SPATA13: variants seen among roughly 807,000 people sequenced by gnomAD.
SPATA13 encodes spermatogenesis associated 13, also known as spermatogenesis-associated protein 13.
Under a neutral mutation model 104.0 loss-of-function variants are expected in SPATA13, and 50 were observed. That is an observed-to-expected ratio of 0.48 (90% CI 0.38 to 0.61). SPATA13 has a LOEUF of 0.61. Among genes scored for constraint, SPATA13 ranks in the 20% least tolerant of loss-of-function variants. The pLI, the probability that SPATA13 is intolerant of heterozygous loss-of-function variation, is 0.00. For synonymous variants in SPATA13, 606 were observed against 667.5 expected (o/e 0.91, Z 1.42); for missense variants, 1,524 against 1,690.6 (o/e 0.90, Z 1.73).
intron 4 of SPATA13, among the ~76,000 whole-genome samples, chr13:24,269,086 C>A (rs1257769011): frequency 6.6e-6 from 1 of 152,182 alleles, no homozygotes; most frequent in Non-Finnish European, 1.5e-5. Flanking sequence ...GGAGCGACAG[C>A]AGCAGCGTGA....
intron 3 of SPATA13, among the ~76,000 whole-genome samples, chr13:24,028,295 A>G (rs1185322362): frequency 6.6e-6 from 1 of 152,168 alleles, no homozygotes; most frequent in Non-Finnish European, 1.5e-5. Context: ...AGTCTTTTAG[A>G]GAGGATATCT....
intron 1 of SPATA13, among the ~76,000 whole-genome samples, chr13:24,198,933 TTC>T (rs1226393614): frequency 6.7e-6 from 1 of 148,650 alleles, no homozygotes; most frequent in African/African-American, 2.5e-5. Flanking sequence ...ATATTACATA[TTC>T]TTAGAACTAT....
At chr13:24,162,933 A>G (rs773546066) in intron 1 of SPATA13, among the ~76,000 whole-genome samples, 4 of 152,214 alleles carry the variant, frequency 2.6e-5, no homozygotes, top group African/African-American at 7.2e-5. Flanking sequence ...TTAGTCTGCA[A>G]TGTACACCAG....
At chr13:24,160,633 C>T (rs369112878), upstream of SPATA13, 205 of 717,748 alleles carry the variant, frequency 2.9e-4, 2 homozygotes, top group East Asian at 0.031. Context: ...GTGAGCTAAC[C>T]GGGGGCGTGG....
chr13:24,027,675 G>A (rs1877291875), intron 3 of SPATA13, among the ~76,000 whole-genome samples: 1 of 152,110 alleles, frequency 6.6e-6, no homozygotes, highest in Non-Finnish European at 1.5e-5. Context: ...AAGCAAATAA[G>A]CCTCTTTTCT....
intron 4 of SPATA13, chr13:24,270,933 T>C: frequency 6.4e-7 from 1 of 1,558,014 alleles, no homozygotes; most frequent in Non-Finnish European, 8.8e-7. Context: ...AAAGAATGGA[T>C]TGTTGTACTG....
chr13:24,300,433 G>C lies in SPATA13; in HGVS notation c.3616G>C (p.Ala1206Pro). ...MEISENQKKL[A>P]MLNAQKAGHG... The stretch of plus-strand genomic sequence containing the variant: ...AATTTCAGAAAACCAGAAGAAACTT[G>C]CCATGTTAAATGCTCAAAAGGCAGG... Residue 1206 changes from alanine (A) to proline (P), a missense_variant, in exon 12 of 13, where the codon GCC becomes CCC. Physicochemically the swap from Ala to Pro is conservative, Grantham distance 27. This residue lies in a region of SPATA13 where 435 missense variants were observed against 554.8 expected (regional missense o/e 0.78). Transcript: ENST00000382108. 5 of 1,613,824 alleles carry C rather than the reference G, an allele frequency of 3.1e-6. No homozygotes were observed. Among genetic ancestry groups the C allele is most frequent in the Non-Finnish European group, 4.2e-6 (5 of 1,179,962 alleles).
At chr13:24,134,632 A>C (rs1881498796) in intron 3 of SPATA13, among the ~76,000 whole-genome samples, 1 of 152,104 alleles carries the variant, frequency 6.6e-6, no homozygotes. Context: ...ATCTTGATAG[A>C]CCAGAATGGC....
intron 3 of SPATA13, among the ~76,000 whole-genome samples, chr13:24,027,797 A>G (rs1877297777): frequency 1.3e-5 from 2 of 152,156 alleles, no homozygotes; most frequent in Non-Finnish European, 2.9e-5. Flanking sequence ...GGAAATTAGT[A>G]TATGCACGGA....
intron 3 of SPATA13, among the ~76,000 whole-genome samples, chr13:24,153,467 C>T (rs1882165499): frequency 6.6e-6 from 1 of 152,196 alleles, no homozygotes. Flanking sequence ...TAGTACATGA[C>T]AGAGAAGTGA....
At chr13:24,097,248 C>T (rs1880114342) in intron 3 of SPATA13, among the ~76,000 whole-genome samples, 1 of 152,182 alleles carries the variant, frequency 6.6e-6, no homozygotes, top group Non-Finnish European at 1.5e-5. Context: ...TTGTGCTAAA[C>T]ATGTTGCATC....
Position 24,302,665 on chromosome 13 carries a change from T to C in SPATA13, c.3726T>C (p.Thr1242=), listed in dbSNP as rs747568852. The part of the protein sequence containing the change: ...GLHPIHQRHI[T]MPTSVPQQQV... ...ACCCCATCCACCAGCGCCACATCAC[T>C]ATGCCCACAAGCGTCCCCCAGCAGC... Residue 1242 remains threonine, a synonymous_variant, in exon 13 of 13, where the codon ACT becomes ACC. Coordinates refer to ENST00000382108, the MANE Select transcript of SPATA13 (RefSeq NM_001166271.3). The C allele has an allele frequency of 6.2e-7, 1 of 1,613,998 alleles. No homozygotes were observed. The highest frequency in any genetic ancestry group is 8.5e-7 in the Non-Finnish European group (1 of 1,180,012).
chr13:24,029,998 G>A (rs1816907831), intron 3 of SPATA13, among the ~76,000 whole-genome samples: 1 of 151,752 alleles, frequency 6.6e-6, no homozygotes, highest in African/African-American at 2.4e-5. Context: ...GGAATTCATA[G>A]CAAAATTGAG....
At chr13:24,167,376 C>T (rs980066888) in intron 1 of SPATA13, among the ~76,000 whole-genome samples, 1 of 152,188 alleles carries the variant, frequency 6.6e-6, no homozygotes, top group Admixed American at 6.5e-5. Context: ...GGAAGTAAAA[C>T]AGCTCCAGTG....
At chr13:24,077,509 T>G (rs1015590220) in intron 3 of SPATA13, among the ~76,000 whole-genome samples, 2 of 152,014 alleles carry the variant, frequency 1.3e-5, no homozygotes, top group African/African-American at 2.4e-5. Context: ...GAAGAAAAAT[T>G]TCCTATCAGG....
rs1188405866 is a variant in SPATA13 at position 24,304,423 on chromosome 13, T to C, written c.*1650T>C. On this transcript the variant is annotated 3_prime_UTR_variant, in exon 13 of 13. Transcript: ENST00000382108. The stretch of plus-strand genomic sequence containing the variant: ...CTGTGTTAAACTGTTAATGGATATC[T>C]ATATGAGAAGCTCATTTTTGTATGC... 2 of 152,142 alleles carry C rather than the reference T, an allele frequency of 1.3e-5. No individual in the cohort carries two copies. The highest frequency in any genetic ancestry group is 4.8e-5 in the African/African-American group (2 of 41,434). 9.4% of individuals were successfully genotyped at this position (152,142 alleles called of 1,614,324 possible). A position where few individuals can be genotyped will look rare whatever the true frequency, so the allele number is the denominator to read the frequency against.
At chr13:24,163,456 C>T (rs1220570) in intron 1 of SPATA13, among the ~76,000 whole-genome samples, 4,439 of 152,246 alleles carry the variant, frequency 0.029, 212 homozygotes, top group African/African-American at 0.1. Context: ...TGTCTCCTCC[C>T]GTGCATTGAG....
At chr13:24,163,488 G>A (rs1447369607) in intron 1 of SPATA13, among the ~76,000 whole-genome samples, 3 of 152,190 alleles carry the variant, frequency 2.0e-5, no homozygotes, top group Non-Finnish European at 4.4e-5. Flanking sequence ...ACTTTAGCTG[G>A]ACAGATCTTT....
At chr13:24,298,774 G>A (rs921257706) in intron 11 of SPATA13, among the ~76,000 whole-genome samples, 1 of 152,200 alleles carries the variant, frequency 6.6e-6, no homozygotes, top group Non-Finnish European at 1.5e-5. Flanking sequence ...CTTGGCTACA[G>A]AATTTGGTCT....
Sources: allele counts gnomAD v4.1 joint callset (sites outside exome capture counted in the v4.1 genomes callset), GRCh38; gene constraint gnomAD v4.1.1; regional missense constraint gnomAD v4.1.1; transcripts MANE v1.5; gene names NCBI Gene and HGNC (gene_info 2026-07-23, HGNC 2026-07-21).